Variants in COQ8B observed in about 807,000 individuals in gnomAD.
COQ8B encodes the protein atypical kinase COQ8B, mitochondrial.
COQ8B carries 44 observed loss-of-function variants against 62.0 expected under a neutral mutation model. The ratio of observed to expected loss-of-function variants is 0.71; its 90% confidence interval spans 0.56 to 0.91. COQ8B has a LOEUF of 0.91. Among genes scored for constraint, COQ8B ranks in the 40% least tolerant of loss-of-function variants. The probability of loss-of-function intolerance (pLI) is 0.00; values close to 1 mark genes in which losing one functional copy is unlikely to be tolerated. For missense variants in COQ8B, 649 were observed against 731.6 expected (o/e 0.89, Z 1.30); for synonymous variants, 252 against 289.9 (o/e 0.87, Z 1.33).
chr19:40,707,232 G>A (rs1010858962), intron 5 of COQ8B, among the ~76,000 whole-genome samples: 3 of 151,042 alleles, frequency 2.0e-5, no homozygotes, highest in African/African-American at 4.9e-5. Flanking sequence ...TCCCGCCACC[G>A]CACTCCAGCC....
At chr19:40,697,837 T>TAG (rs1372063480) in intron 12 of COQ8B, among the ~76,000 whole-genome samples, 6 of 49,092 alleles carry the variant, frequency 1.2e-4, no homozygotes, top group Non-Finnish European at 1.2e-4. Context: ...TATATATATA[T>TAG]ATATATATAT....
chr19:40,695,776 T>C (rs2082010210), intron 13 of COQ8B, among the ~76,000 whole-genome samples: 1 of 152,194 alleles, frequency 6.6e-6, no homozygotes, highest in Non-Finnish European at 1.5e-5. Flanking sequence ...TTTCGCATTG[T>C]GTTGCTGTGT....
intron 7 of COQ8B, chr19:40,704,148 CTTTTT>C (rs1188224323): frequency 9.8e-4 from 159 of 162,914 alleles, no homozygotes; most frequent in Middle Eastern, 4.7e-3. Context: ...CATAACAATC[CTTTTT>C]TTTTTTTTTT....
chr19:40,697,397 A>C (rs2082022521), intron 12 of COQ8B, among the ~76,000 whole-genome samples: 1 of 152,160 alleles, frequency 6.6e-6, no homozygotes, highest in Non-Finnish European at 1.5e-5. Context: ...TACATTAGTG[A>C]GTCATCTCAC....
chr19:40,699,260 T>C (rs2561535), intron 12 of COQ8B, among the ~76,000 whole-genome samples: 84,905 of 151,678 alleles, frequency 0.56, 24,324 homozygotes, highest in African/African-American at 0.66. Context: ...CTCAGTGGCC[T>C]CAGCTTTAAT....
chr19:40,712,820 C>T (rs2082152789), intron 4 of COQ8B, among the ~76,000 whole-genome samples: 1 of 152,186 alleles, frequency 6.6e-6, no homozygotes, highest in Admixed American at 6.5e-5. Context: ...AAGTGACCTC[C>T]CCTTTGTTAG....
rs1905741989 is a variant in COQ8B at position 40,710,240 on chromosome 19, T to A, written c.290-104A>T. The A allele has an allele frequency of 6.5e-6, 7 of 1,074,996 alleles. No homozygotes were observed. The East Asian group carries it at 7.4e-5, about 11-fold the overall frequency. 66.6% of individuals were successfully genotyped at this position (1,074,996 alleles called of 1,614,324 possible). A position where few individuals can be genotyped will look rare whatever the true frequency, so the allele number is the denominator to read the frequency against. On this transcript the variant is annotated intron_variant, in intron 4 of 14. Transcript: ENST00000324464. Reference sequence around the variant, plus strand: ...TCTCCAAGAATGCTTGTCTCCCAACTCTTTTTATTTTTTCTTTTGTTTGAG... The same window carrying A: ...TCTCCAAGAATGCTTGTCTCCCAACACTTTTTATTTTTTCTTTTGTTTGAG...
At chr19:40,710,436 G>T (rs1192214796) in intron 4 of COQ8B, among the ~76,000 whole-genome samples, 1 of 152,112 alleles carries the variant, frequency 6.6e-6, no homozygotes, top group East Asian at 1.9e-4. Flanking sequence ...TTTTAGTAGA[G>T]ACGGGGTTTC....
In COQ8B at chr19:40,714,549, C is replaced by A. The variant is rs2082169706; in HGVS notation, c.84G>T (p.Gly28=). The A allele has an allele frequency of 2.5e-6, 4 of 1,613,432 alleles. No individual in the cohort carries two copies. The highest frequency in any genetic ancestry group is 4.5e-5 in the East Asian group (2 of 44,860). Residue 28 remains glycine (G), a synonymous_variant, in exon 2 of 15, where the codon GGG becomes GGT. Transcript: ENST00000324464. The part of the protein sequence containing the change: ...QTVGWPCGAL[G]PGPHRWGPCG... ...CTCTTACCCAGCGGTGGGGCCCAGG[C>A]CCCAGGGCCCCACAAGGCCAACCAA...
In COQ8B at chr19:40,714,312, C is replaced by A. The variant is rs548830266; in HGVS notation, c.188G>T (p.Arg63Leu). ...GGGTGTCTTCCTGGGACGGGCCTCC[C>A]GTGCCCTGCGAATGTCCTCCTCACC... ...GLGEEDIRRA[R>L]EARPRKTPRP... is the part of the protein sequence containing the mutation. Residue 63 changes from arginine (R) to leucine (L), a missense_variant, in exon 3 of 15, where the codon CGG becomes CTG. Arg to Leu is a moderately radical substitution (Grantham distance 102). Coordinates refer to ENST00000324464, the MANE Select transcript of COQ8B (RefSeq NM_024876.4). The A allele has an allele frequency of 6.2e-7, 1 of 1,613,936 alleles. No homozygotes were observed. Among genetic ancestry groups the A allele is most frequent in the Non-Finnish European group, 8.5e-7 (1 of 1,179,966 alleles).
intron 5 of COQ8B, among the ~76,000 whole-genome samples, chr19:40,706,996 G>A (rs542168738): frequency 1.1e-3 from 160 of 152,278 alleles, no homozygotes; most frequent in African/African-American, 3.7e-3. Flanking sequence ...ACCTGGCTGG[G>A]AGTGCTGGCT....
intron 5 of COQ8B, 31 bp downstream of exon 5, chr19:40,710,028 G>A (rs577816746): frequency 1.2e-5 from 19 of 1,611,834 alleles, no homozygotes; most frequent in African/African-American, 1.3e-5. Flanking sequence ...GCAAAGCCAG[G>A]ATCTGAACCC....
rs146616224 is a variant in COQ8B at position 40,700,126 on chromosome 19, G to A, written c.1084C>T (p.Arg362Ter). ...TLCLRELFEF[R>*]FMQTDPNWAN... Reference sequence around the variant, plus strand: ...CAGTTGGGGTCAGTCTGCATGAATCGGAACTCAAACAGCTCCCGCAGACAC... The same window carrying A: ...CAGTTGGGGTCAGTCTGCATGAATCAGAACTCAAACAGCTCCCGCAGACAC... The change falls in exon 12 of 15, where the codon CGA becomes TGA. Residue 362 changes from arginine (R) to a stop codon, truncating the protein, a stop_gained. Transcript: ENST00000324464. LOFTEE classifies it high-confidence loss of function. 1.1e-5 allele frequency: 17 copies of A among 1,614,132 alleles called. No individual in the cohort carries two copies. In the African/African-American group the frequency reaches 1.5e-4, roughly 14 times the overall value.
At chr19:40,714,903 C>G in intron 1 of COQ8B, 2 of 1,251,460 alleles carry the variant, frequency 1.6e-6, no homozygotes, top group Non-Finnish European at 2.0e-6. Context: ...CACAGTTCCT[C>G]AGGGGCTACC....
intron 5 of COQ8B, among the ~76,000 whole-genome samples, chr19:40,706,129 T>C (rs981772242): frequency 3.9e-5 from 6 of 151,964 alleles, no homozygotes; most frequent in South Asian, 4.2e-4. Flanking sequence ...TACACTGATA[T>C]AAAGAGCAAA....
chr19:40,703,923 G>A (rs2082081263), intron 7 of COQ8B, 68 bp from the exon 8 acceptor site: 1 of 1,528,318 alleles, frequency 6.5e-7, no homozygotes, highest in Non-Finnish European at 8.8e-7. Context: ...TGCTTTACGT[G>A]TTGATAACCC....
In COQ8B at chr19:40,702,667, C is replaced by G. The variant is rs200480831; in HGVS notation, c.826G>C (p.Ala276Pro). ...TCCCAAGCCAGCTCCTGCTGCAAGG[C>G]CTGCAGGCTCTGCTCGGCAAACAGG... is the stretch of plus-strand genomic sequence containing the variant. ...AGLFAEQSLQ[A>P]LQQELAWECD... Residue 276 changes from alanine to proline, a missense_variant, in exon 10 of 15, where the codon GCC becomes CCC. Coordinates refer to ENST00000324464, the MANE Select transcript of COQ8B (RefSeq NM_024876.4). The G allele has an allele frequency of 1.7e-4, 271 of 1,610,730 alleles. No individual in the cohort carries two copies. The Middle Eastern group carries it at 2.6e-3, about 16-fold the overall frequency.
intron 5 of COQ8B, among the ~76,000 whole-genome samples, chr19:40,708,874 G>A (rs908967758): frequency 2.8e-4 from 42 of 151,656 alleles, no homozygotes; most frequent in Admixed American, 1.1e-3. Context: ...AGGCTGCAGT[G>A]AGCCATGATC....
At position 40,715,083 on chromosome 19, in the gene COQ8B, T is replaced by C. The variant is rs184096196; in HGVS notation, c.-3-448A>G. ...GCTCTCAGCCTCCGAGTCCGCAACCTGCTGGGGCCCTCCTGTGCTTCCGGG... is the reference window on the plus strand; with the variant it reads ...GCTCTCAGCCTCCGAGTCCGCAACCCGCTGGGGCCCTCCTGTGCTTCCGGG... On this transcript the variant is annotated intron_variant, in intron 1 of 14. Transcript: ENST00000324464. 1.0e-3 allele frequency: 980 copies of C among 982,454 alleles called. 8 individuals are homozygous for C. The African/African-American group carries it at 0.016, about 16-fold the overall frequency. 60.9% of individuals were successfully genotyped at this position (982,454 alleles called of 1,614,324 possible).
Sources: allele counts gnomAD v4.1 joint callset (sites outside exome capture counted in the v4.1 genomes callset), GRCh38; gene constraint gnomAD v4.1.1; transcripts MANE v1.5; gene names NCBI Gene and HGNC (gene_info 2026-07-23, HGNC 2026-07-21).